Variants in API5 observed in about 807,000 individuals in gnomAD.
API5 encodes the protein FIF.
API5 carries 6 observed loss-of-function variants against 71.9 expected under a neutral mutation model. The ratio of observed to expected loss-of-function variants is 0.08; its 90% confidence interval spans 0.05 to 0.16. The LOEUF (loss-of-function observed/expected upper bound fraction) is 0.16, where lower values mean the gene tolerates loss of function less well. API5 is among the 10% of genes least tolerant of loss of function. The pLI, the probability that API5 is intolerant of heterozygous loss-of-function variation, is 1.00. For synonymous variants in API5, 189 were observed against 221.3 expected, an observed-to-expected ratio of 0.85 and a Z score of 1.30; for missense variants, 332 against 612.8, an observed-to-expected ratio of 0.54 and a Z score of 4.84.
At chr11:43,312,909 C>T (rs1854533797) in intron 1 of API5, among the ~76,000 whole-genome samples, 1 of 151,934 alleles carries the variant, frequency 6.6e-6, no homozygotes. Flanking sequence ...GAGTTCGAGA[C>T]CAGCCTGACC....
chr11:43,318,902 A>G (rs1311369234), intron 2 of API5, 101 bp downstream of exon 2: 1 of 1,201,776 alleles, frequency 8.3e-7, no homozygotes, highest in East Asian at 2.4e-5. Flanking sequence ...ACACAATAAA[A>G]TACTATGGTA....
chr11:43,317,005 A>G (rs1246495174), intron 1 of API5, among the ~76,000 whole-genome samples: 1 of 152,226 alleles, frequency 6.6e-6, no homozygotes, highest in Non-Finnish European at 1.5e-5. Flanking sequence ...ACATAGCATT[A>G]TCAACAAAAA....
chr11:43,321,314 G>A, intron 3 of API5, 97 bp from the exon 4 acceptor site: 6 of 1,019,166 alleles, frequency 5.9e-6, no homozygotes, highest in Non-Finnish European at 8.9e-6. Flanking sequence ...TCCTGTCAAT[G>A]TAACCTTGAG....
chr11:43,329,832 A>G, intron 9 of API5, 133 bp from the exon 10 acceptor site: 1 of 690,366 alleles, frequency 1.4e-6, no homozygotes, highest in Non-Finnish European at 2.4e-6. Flanking sequence ...CAAGCAACTT[A>G]AAATTCTCTT....
chr11:43,320,256 G>A (rs61639957), intron 2 of API5, among the ~76,000 whole-genome samples: 7,249 of 151,866 alleles, frequency 0.048, 181 homozygotes, highest in African/African-American at 0.064. Context: ...ATATTGGCAA[G>A]GCTGGTCTCA....
chr11:43,332,510 C>T (rs1855290566), intron 11 of API5, among the ~76,000 whole-genome samples: 1 of 152,100 alleles, frequency 6.6e-6, no homozygotes, highest in East Asian at 1.9e-4. Context: ...CTTATGTTTA[C>T]TGGTTTATTA....
At chr11:43,330,362 T>C in intron 10 of API5, 146 bp from the exon 11 acceptor site, 1 of 704,674 alleles carries the variant, frequency 1.4e-6, no homozygotes, top group South Asian at 1.6e-5. Flanking sequence ...GGAATACGCA[T>C]TATCTATAGA....
intron 1 of API5, among the ~76,000 whole-genome samples, chr11:43,313,029 C>T (rs1854540500): frequency 6.6e-6 from 1 of 151,646 alleles, no homozygotes; most frequent in Non-Finnish European, 1.5e-5. Context: ...ATTGCTTGAA[C>T]CCGGGAGGCA....
chr11:43,312,940 C>T (rs1248786408), intron 1 of API5, among the ~76,000 whole-genome samples: 2 of 151,874 alleles, frequency 1.3e-5, no homozygotes, highest in African/African-American at 2.4e-5. Context: ...AACCCTGTCT[C>T]TACTAAAAAT....
Position 43,329,996 on chromosome 11 carries a change from T to G in API5, c.1159T>G (p.Tyr387Asp). 1 of 1,613,874 alleles carries G rather than the reference T, an allele frequency of 6.2e-7. No individual in the cohort carries two copies. Among genetic ancestry groups the G allele is most frequent in the Non-Finnish European group, 8.5e-7 (1 of 1,179,854 alleles). ...GTACTTTGCACGGGGCCTGCAAGTT[T>G]ATATCAGACAACTTCGCTTAGCTCT... ...LQYFARGLQVYIRQLRLALQG... is the reference protein window; with the variant it reads ...LQYFARGLQVDIRQLRLALQG... The change falls in exon 10 of 14, where the codon TAT becomes GAT. Residue 387 changes from tyrosine to aspartate, a missense_variant. By Grantham distance (160) the Tyr-to-Asp change is radical (BLOSUM62 -3). Transcript: ENST00000531273.
At position 43,338,317 on chromosome 11, in the gene API5, G is replaced by A. The variant is rs191432127; in HGVS notation, c.1492+2323G>A. Among the ~76,000 whole-genome samples the A allele has an allele frequency of 2.0e-4, 31 of 152,104 alleles. No individual in the cohort carries two copies. In the East Asian group the frequency reaches 4.8e-3, roughly 24 times the overall value. On this transcript the variant is annotated intron_variant, in intron 13 of 13. Coordinates refer to ENST00000531273, the MANE Select transcript of API5 (RefSeq NM_001142930.2). ...TCTCTGTTTTTTGCTTTACAAACATGGTATTGGTTCTCACAAATTAGTTCA... is the reference window on the plus strand; with the variant it reads ...TCTCTGTTTTTTGCTTTACAAACATAGTATTGGTTCTCACAAATTAGTTCA...
intron 6 of API5, among the ~76,000 whole-genome samples, chr11:43,324,226 C>T (rs1292796553): frequency 1.3e-5 from 2 of 152,180 alleles, no homozygotes; most frequent in Non-Finnish European, 2.9e-5. Flanking sequence ...CCATGTTGCC[C>T]ATACTAGTCT....
Position 43,322,121 on chromosome 11 carries a change from A to C in API5, c.528A>C (p.Leu176=). The change falls in exon 5 of 14, where the codon CTA becomes CTC. Residue 176 remains leucine (L), a synonymous_variant. Transcript: ENST00000531273. Reference sequence around the variant, plus strand: ...CAAAGGAAGTGGAAGAGCTTATACTAACTGAATCCAAAAAGGTGAGCTTTG... The same window carrying C: ...CAAAGGAAGTGGAAGAGCTTATACTCACTGAATCCAAAAAGGTGAGCTTTG... ...VLTKEVEELI[L]TESKKVLEDV... The C allele has an allele frequency of 6.2e-7, 1 of 1,601,084 alleles. No homozygotes were observed. Among genetic ancestry groups the C allele is most frequent in the Non-Finnish European group, 8.5e-7 (1 of 1,175,576 alleles).
At chr11:43,325,753 A>G (rs998518965) in intron 6 of API5, among the ~76,000 whole-genome samples, 3 of 152,192 alleles carry the variant, frequency 2.0e-5, no homozygotes, top group Non-Finnish European at 4.4e-5. Context: ...GACAAAACAC[A>G]GTCAAAGCAA....
At chr11:43,331,234 C>T (rs1308212909) in intron 11 of API5, 1 of 152,926 alleles carries the variant, frequency 6.5e-6, no homozygotes, top group East Asian at 1.9e-4. Flanking sequence ...CCCATGTATA[C>T]CTTTTGACTC....
rs1449248369 is a variant in API5 at position 43,338,372 on chromosome 11, C to T, written c.1492+2378C>T. On this transcript the variant is annotated intron_variant, in intron 13 of 13. Transcript: ENST00000531273. ...CCCGGTGCATTCATAAACATATACC[C>T]ACGTTTAGTTTTCCTTCCAGTGCAC... Among the ~76,000 whole-genome samples the T allele has an allele frequency of 3.9e-5, 6 of 152,196 alleles. No homozygotes were observed. In the East Asian group the frequency reaches 7.7e-4, roughly 20 times the overall value.
chr11:43,337,428 C>A (rs759825791), intron 13 of API5, among the ~76,000 whole-genome samples: 4 of 152,120 alleles, frequency 2.6e-5, no homozygotes, highest in Non-Finnish European at 5.9e-5. Flanking sequence ...CAGTTGAATT[C>A]TTCTAATGTC....
rs73547393 is a variant in API5 at position 43,337,452 on chromosome 11, T to G, written c.1492+1458T>G. Among the ~76,000 whole-genome samples, 1,436 of 152,284 alleles carry G rather than the reference T, an allele frequency of 9.4e-3. 28 individuals carry two copies. The highest frequency in any genetic ancestry group is 0.031 in the African/African-American group (1,306 of 41,534). On this transcript the variant is annotated intron_variant, in intron 13 of 13. Coordinates refer to ENST00000531273, the MANE Select transcript of API5 (RefSeq NM_001142930.2). ...TCTTCTAATGTCTGAACAAACAGAT[T>G]ATATAGAAAGCCAATTTTAGACTGA...
intron 1 of API5, among the ~76,000 whole-genome samples, chr11:43,315,882 T>C (rs1055689381): frequency 9.9e-5 from 15 of 151,992 alleles, no homozygotes. Context: ...CTGTTTCAAA[T>C]TATTATGAAT....
Sources: gnomAD v4.1 joint callset for allele counts (sites outside exome capture counted in the v4.1 genomes callset) on GRCh38, gnomAD v4.1.1 for gene constraint, MANE v1.5 for transcripts, NCBI Gene and HGNC (gene_info 2026-07-23, HGNC 2026-07-21) for gene names.